PACRG: variants seen among roughly 807,000 people sequenced by gnomAD.
PACRG encodes the protein parkin coregulated gene protein.
A neutral mutation model predicts 29.7 loss-of-function variants in PACRG; 29 were observed. The observed-to-expected ratio is 0.98, with a 90% CI of 0.73 to 1.33. PACRG has a LOEUF of 1.33. Among genes scored for constraint, PACRG ranks in the 40% most tolerant of loss-of-function variants. The pLI is 0.00. For synonymous variants in PACRG, 116 were observed against 118.7 expected, an observed-to-expected ratio of 0.98 and a Z score of 0.15; for missense variants, 279 against 316.2, an observed-to-expected ratio of 0.88 and a Z score of 0.89.
At chr6:162,996,747 G>C (rs11964075) in intron 2 of PACRG, among the ~76,000 whole-genome samples, 4,549 of 152,202 alleles carry the variant, frequency 0.03, 252 homozygotes, top group African/African-American at 0.1. Flanking sequence ...AACAGTAACT[G>C]TCTCAACTCT....
At chr6:163,024,622 G>T (rs1263324691) in intron 2 of PACRG, among the ~76,000 whole-genome samples, 1 of 152,124 alleles carries the variant, frequency 6.6e-6, no homozygotes, top group Non-Finnish European at 1.5e-5. Flanking sequence ...TGACATTAAA[G>T]TTTAATAGGA....
intron 2 of PACRG, among the ~76,000 whole-genome samples, chr6:162,852,428 G>A (rs1297998103): frequency 1.3e-5 from 2 of 152,222 alleles, no homozygotes; most frequent in Non-Finnish European, 2.9e-5. Context: ...GCTAAGACGC[G>A]CTTCTGTGGG....
At position 162,997,724 on chromosome 6, in the gene PACRG, G is replaced by C. The variant is rs535397225; in HGVS notation, c.292-64426G>C. On this transcript the variant is annotated intron_variant, in intron 2 of 4. Transcript: ENST00000366888. ...GAATGGGAGTTCCCATGTTCCTCCT[G>C]CTAGCCAATACTTGACATTGTCAGA... 7.2e-4 allele frequency among the ~76,000 whole-genome samples: 110 copies of C among 152,336 alleles called. 1 individual carries two copies. Among genetic ancestry groups the C allele is most frequent in the South Asian group, 4.1e-3 (20 of 4,830 alleles).
chr6:162,740,083 A>G (rs1780461005), intron 1 of PACRG, among the ~76,000 whole-genome samples: 1 of 152,028 alleles, frequency 6.6e-6, no homozygotes, highest in South Asian at 2.1e-4. Context: ...ATGTCCCATT[A>G]GTCTCTTTGT....
intron 4 of PACRG, among the ~76,000 whole-genome samples, chr6:163,239,470 A>G (rs557482689): frequency 6.6e-6 from 1 of 152,068 alleles, no homozygotes; most frequent in Non-Finnish European, 1.5e-5. Context: ...GCCCAGAATC[A>G]TGTCTGTAAG....
chr6:162,771,878 C>T (rs1280459867), intron 1 of PACRG, among the ~76,000 whole-genome samples: 1 of 152,052 alleles, frequency 6.6e-6, no homozygotes, highest in East Asian at 1.9e-4. Flanking sequence ...GTAAGTGGAG[C>T]TCCTCCTTGT....
At chr6:163,248,415 G>T (rs192640188) in intron 4 of PACRG, among the ~76,000 whole-genome samples, 2 of 145,494 alleles carry the variant, frequency 1.4e-5, no homozygotes, top group East Asian at 3.9e-4. Flanking sequence ...GGCAAGAGGG[G>T]AGTGCATATT....
intron 4 of PACRG, among the ~76,000 whole-genome samples, chr6:163,198,022 T>A (rs978433115): frequency 1.3e-5 from 2 of 152,254 alleles, no homozygotes; most frequent in Non-Finnish European, 2.9e-5. Flanking sequence ...GGTTTCTAGA[T>A]ACGTGTTTAT....
chr6:163,220,198 A>C (rs1158934824), intron 4 of PACRG, among the ~76,000 whole-genome samples: 1 of 151,782 alleles, frequency 6.6e-6, no homozygotes, highest in Non-Finnish European at 1.5e-5. Flanking sequence ...AGATAGAGTC[A>C]GGACAGAGGG....
intron 4 of PACRG, among the ~76,000 whole-genome samples, chr6:163,122,474 C>T (rs536500476): frequency 2.6e-5 from 4 of 152,252 alleles, no homozygotes; most frequent in African/African-American, 7.2e-5. Flanking sequence ...GGTGCCCTGC[C>T]CATGGTAATG....
intron 4 of PACRG, among the ~76,000 whole-genome samples, chr6:163,122,046 G>A (rs138620393): frequency 3.0e-4 from 46 of 152,080 alleles, no homozygotes; most frequent in Non-Finnish European, 4.6e-4. Flanking sequence ...AAAAGAGGGC[G>A]CCTTATTAAT....
At chr6:163,228,456 A>G (rs1781896637) in intron 4 of PACRG, among the ~76,000 whole-genome samples, 1 of 151,740 alleles carries the variant, frequency 6.6e-6, no homozygotes, top group South Asian at 2.1e-4. Context: ...GAGGCTCAAC[A>G]TGTGCTGGAT....
intron 4 of PACRG, among the ~76,000 whole-genome samples, chr6:163,162,425 C>T (rs890930020): frequency 5.3e-5 from 8 of 152,240 alleles, no homozygotes; most frequent in Admixed American, 3.9e-4. Flanking sequence ...ACCCCAATCC[C>T]CCTCAAATGC....
At chr6:162,828,669 T>TG (rs1788486646) in intron 2 of PACRG, among the ~76,000 whole-genome samples, 1 of 152,188 alleles carries the variant, frequency 6.6e-6, no homozygotes, top group Admixed American at 6.5e-5. Flanking sequence ...CACCCTTTTG[T>TG]GGGGTGGTCA....
At chr6:163,180,484 A>G (rs1038804946) in intron 4 of PACRG, among the ~76,000 whole-genome samples, 6 of 152,162 alleles carry the variant, frequency 3.9e-5, no homozygotes, top group African/African-American at 1.4e-4. Context: ...AATGAGGACC[A>G]GGTGCAGTGG....
intron 4 of PACRG, among the ~76,000 whole-genome samples, chr6:163,097,696 G>T (rs1284603562): frequency 1.3e-5 from 2 of 152,192 alleles, no homozygotes; most frequent in African/African-American, 2.4e-5. Context: ...GGTTCAAAGA[G>T]TTCCTGATTG....
chr6:162,791,311 G>GTTTTT (rs60664405), intron 1 of PACRG, among the ~76,000 whole-genome samples: 21 of 128,796 alleles, frequency 1.6e-4, no homozygotes, highest in Middle Eastern at 4.3e-3. Context: ...TTGTTTGTTT[G>GTTTTT]TTTTTTTTTT....
At chr6:163,183,912 A>G (rs1779791419) in intron 4 of PACRG, among the ~76,000 whole-genome samples, 2 of 152,242 alleles carry the variant, frequency 1.3e-5, no homozygotes, top group Non-Finnish European at 2.9e-5. Flanking sequence ...TTGGTTTAAA[A>G]TAAAATATGG....
intron 2 of PACRG, among the ~76,000 whole-genome samples, chr6:162,987,245 T>C (rs1476909861): frequency 6.6e-6 from 1 of 152,154 alleles, no homozygotes; most frequent in Non-Finnish European, 1.5e-5. Context: ...TCCCCTAAGG[T>C]TGAGGCTTTC....
Sources: allele counts gnomAD v4.1 joint callset (sites outside exome capture counted in the v4.1 genomes callset), GRCh38; gene constraint gnomAD v4.1.1; transcripts MANE v1.5; gene names NCBI Gene and HGNC (gene_info 2026-07-23, HGNC 2026-07-21).